The following SMG7 variants were observed in gnomAD, a reference collection of about 807,000 sequenced individuals.
SMG7 encodes SMG7 nonsense mediated mRNA decay factor.
Under a neutral mutation model 148.2 loss-of-function variants are expected in SMG7, and 34 were observed. The ratio of observed to expected loss-of-function variants is 0.23; its 90% CI spans 0.17 to 0.31. The LOEUF is 0.31. Among genes scored for constraint, SMG7 ranks in the 10% least tolerant of loss-of-function variants. The probability of loss-of-function intolerance (pLI) is 1.00; values close to 1 mark genes in which losing one functional copy is unlikely to be tolerated. For missense variants in SMG7, 1,114 were observed against 1,408.4 expected, an observed-to-expected ratio of 0.79 and a Z score of 3.35; for synonymous variants, 492 against 515.1, an observed-to-expected ratio of 0.96 and a Z score of 0.61.
intron 4 of SMG7, among the ~76,000 whole-genome samples, chr1:183,520,130 A>T (rs901339201): frequency 1.3e-5 from 2 of 152,152 alleles, no homozygotes; most frequent in African/African-American, 2.4e-5. Flanking sequence ...TTATAATTCA[A>T]ATCTTAACAT....
At chr1:183,498,863 C>A (rs1659147122) in intron 1 of SMG7, among the ~76,000 whole-genome samples, 1 of 152,188 alleles carries the variant, frequency 6.6e-6, no homozygotes, top group Non-Finnish European at 1.5e-5. Flanking sequence ...TTGTATAGTA[C>A]AGAGTATTTT....
In SMG7 at chr1:183,544,948, A is replaced by T. The variant is rs756674791; in HGVS notation, c.2006A>T (p.Tyr669Phe). 1 of 1,613,292 alleles carries T rather than the reference A, an allele frequency of 6.2e-7. No homozygotes were observed. Residue 669 changes from tyrosine to phenylalanine, a missense_variant, in exon 16 of 23, where the codon TAT becomes TTT. Tyr to Phe is a conservative substitution (Grantham distance 22). Around this residue, in one of 4 missense-constraint regions of SMG7, gnomAD observed 788 missense variants for 894.5 expected, o/e 0.88. Transcript: ENST00000688051. The part of the protein sequence containing the change: ...PSRPGFPPPT[Y>F]VIPPPVAFSM... The stretch of plus-strand genomic sequence containing the variant: ...TTTGAAGGGTTTCCGCCCCCAACAT[A>T]TGTTATCCCCCCGCCTGTGGCATTT...
intron 1 of SMG7, among the ~76,000 whole-genome samples, chr1:183,477,450 A>G (rs545322322): frequency 2.6e-5 from 4 of 151,900 alleles, no homozygotes; most frequent in African/African-American, 7.2e-5. Context: ...ATACATATAT[A>G]CATGTGTGCA....
chr1:183,516,456 C>T (rs929602694), intron 3 of SMG7, among the ~76,000 whole-genome samples: 8 of 152,098 alleles, frequency 5.3e-5, no homozygotes, highest in Non-Finnish European at 7.4e-5. Flanking sequence ...GGTAGTATTT[C>T]CTCCCCTACC....
At chr1:183,521,198 A>C (rs1664692460) in intron 4 of SMG7, among the ~76,000 whole-genome samples, 1 of 151,966 alleles carries the variant, frequency 6.6e-6, no homozygotes, top group African/African-American at 2.4e-5. Flanking sequence ...TCCTGGGTTC[A>C]AGCGATTCTT....
chr1:183,515,508 GTCTGT>G (rs758584603), intron 2 of SMG7, among the ~76,000 whole-genome samples: 8 of 151,842 alleles, frequency 5.3e-5, no homozygotes, highest in African/African-American at 9.7e-5. Context: ...CAACTTGACA[GTCTGT>G]TATTTCAAAT....
At chr1:183,539,301 G>A (rs1056178149) in intron 12 of SMG7, among the ~76,000 whole-genome samples, 1 of 152,010 alleles carries the variant, frequency 6.6e-6, no homozygotes, top group African/African-American at 2.4e-5. Flanking sequence ...CTTCAGCATT[G>A]AGTCCGTCGA....
At chr1:183,546,425 G>T in intron 17 of SMG7, 88 bp downstream of exon 17, 1 of 1,413,758 alleles carries the variant, frequency 7.1e-7, no homozygotes, top group Non-Finnish European at 9.6e-7. Context: ...CTTATAAAAA[G>T]GCCACTCTTA....
intron 1 of SMG7, chr1:183,501,321 G>C (rs1426369940): frequency 6.6e-6 from 1 of 152,150 alleles, no homozygotes; most frequent in Non-Finnish European, 1.5e-5. Context: ...GCATAGAGAA[G>C]TAATTCACCT....
chr1:183,526,204 A>G (rs947084828), intron 4 of SMG7, among the ~76,000 whole-genome samples: 1 of 149,864 alleles, frequency 6.7e-6, no homozygotes, highest in Non-Finnish European at 1.5e-5. Context: ...GCTGGAGTGC[A>G]GTGGCGTGAT....
At chr1:183,472,692 C>T in intron 1 of SMG7, 43 bp downstream of exon 1, 1 of 1,441,954 alleles carries the variant, frequency 6.9e-7, no homozygotes, top group Non-Finnish European at 9.2e-7. Context: ...GAGCGGGCCG[C>T]AGGTTGGGGC....
intron 1 of SMG7, among the ~76,000 whole-genome samples, chr1:183,491,295 T>C (rs1473870526): frequency 6.6e-6 from 1 of 152,268 alleles, no homozygotes; most frequent in Non-Finnish European, 1.5e-5. Flanking sequence ...TTCCTTTGTT[T>C]ACTGCTGAAT....
chr1:183,503,511 C>T (rs996861415), intron 1 of SMG7, among the ~76,000 whole-genome samples: 23 of 152,280 alleles, frequency 1.5e-4, no homozygotes, highest in Admixed American at 1.4e-3. Context: ...ACATAGTCTT[C>T]ATGACATCTA....
intron 1 of SMG7, among the ~76,000 whole-genome samples, chr1:183,500,266 C>T (rs959194452): frequency 1.3e-5 from 2 of 151,972 alleles, no homozygotes; most frequent in African/African-American, 4.8e-5. Flanking sequence ...GATTCCACTA[C>T]GATGAAAACA....
chr1:183,550,927 A>G lies in SMG7; in HGVS notation c.3304+6A>G, dbSNP rs781462530. ...GTGGAAAACTGATAAGCCAGGTGAG[A>G]TCTACATTTCATTGCCAGGCAAAAT... is the stretch of plus-strand genomic sequence containing the variant. On this transcript the variant is annotated splice_donor_region_variant and intron_variant, in intron 21 of 22. Transcript: ENST00000688051. 7 of 1,614,074 alleles carry G rather than the reference A, an allele frequency of 4.3e-6. No homozygotes were observed. Among genetic ancestry groups the G allele is most frequent in the African/African-American group, 1.3e-5 (1 of 75,032 alleles).
chr1:183,543,479 A>C (rs1452317533), intron 14 of SMG7, among the ~76,000 whole-genome samples: 2 of 151,482 alleles, frequency 1.3e-5, no homozygotes, highest in Non-Finnish European at 2.9e-5. Context: ...GATGCTAGGG[A>C]AAGGCAAGAA....
intron 10 of SMG7, among the ~76,000 whole-genome samples, chr1:183,536,762 G>A (rs1016200352): frequency 4.6e-5 from 7 of 152,188 alleles, no homozygotes; most frequent in African/African-American, 7.2e-5. Context: ...AACTAACAGC[G>A]GCTTCCACAA....
chr1:183,499,432 C>T (rs780441508), intron 1 of SMG7, among the ~76,000 whole-genome samples: 2 of 152,170 alleles, frequency 1.3e-5, no homozygotes, highest in Non-Finnish European at 2.9e-5. Context: ...TTCTGGATTT[C>T]GACCATTCTA....
chr1:183,480,697 G>GTA (rs1250609117), intron 1 of SMG7, among the ~76,000 whole-genome samples: 3 of 152,164 alleles, frequency 2.0e-5, no homozygotes, highest in Non-Finnish European at 2.9e-5. Context: ...ACTGGCAGTG[G>GTA]TATATACACA....
Sources: gnomAD v4.1 joint callset for allele counts (sites outside exome capture counted in the v4.1 genomes callset) on GRCh38, gnomAD v4.1.1 for gene constraint, gnomAD v4.1.1 regional missense constraint, MANE v1.5 for transcripts, NCBI Gene and HGNC (gene_info 2026-07-23, HGNC 2026-07-21) for gene names.